The following ACTR3C variants were observed in gnomAD, a reference collection of about 807,000 sequenced individuals.
ACTR3C encodes actin-related protein 3C.
In ACTR3C, 18 loss-of-function variants were observed where a neutral mutation model predicts 26.3. The ratio of observed to expected loss-of-function variants is 0.68; its 90% confidence interval spans 0.47 to 1.01. The LOEUF (loss-of-function observed/expected upper bound fraction) is 1.01. Among genes scored for constraint, ACTR3C ranks in the 50% least tolerant of loss-of-function variants. The pLI, the probability that ACTR3C is intolerant of heterozygous loss-of-function variation, is 0.00. For synonymous variants in ACTR3C, 55 were observed against 94.5 expected (o/e 0.58, Z 2.42); for missense variants, 184 against 250.7 (o/e 0.73, Z 1.80).
chr7:150,049,150 T>G, the ACTR3C span, among the ~76,000 whole-genome samples: 1 of 151,976 alleles, frequency 6.6e-6, no homozygotes, highest in Non-Finnish European at 1.5e-5. Flanking sequence ...CGCCCCTGTG[T>G]GGACACCCGC....
At chr7:149,938,932 T>C in the ACTR3C span, among the ~76,000 whole-genome samples, 1 of 85,200 alleles carries the variant, frequency 1.2e-5, no homozygotes, top group South Asian at 4.3e-4. Context: ...TATATATGTA[T>C]ATATAAATAT....
At chr7:150,086,481 A>G in the ACTR3C span, among the ~76,000 whole-genome samples, 13 of 152,122 alleles carry the variant, frequency 8.5e-5, no homozygotes, top group Non-Finnish European at 1.5e-4. Flanking sequence ...TCACTTCGGT[A>G]GAATTTATCA....
chr7:149,928,994 A>G, the ACTR3C span, among the ~76,000 whole-genome samples: 2 of 152,098 alleles, frequency 1.3e-5, no homozygotes, highest in African/African-American at 2.4e-5. Context: ...CAGAACGACA[A>G]CTCCTACAGA....
chr7:150,091,857 G>A, the ACTR3C span, among the ~76,000 whole-genome samples: 1 of 150,310 alleles, frequency 6.7e-6, no homozygotes, highest in African/African-American at 2.4e-5. Flanking sequence ...GCGTGGTGGC[G>A]GGCGCCTGTA....
At chr7:150,080,527 A>ATGTGTGTGTGTGTG in the ACTR3C span, among the ~76,000 whole-genome samples, 87 of 142,658 alleles carry the variant, frequency 6.1e-4, no homozygotes, top group African/African-American at 2.2e-3. Context: ...TTGTGTGTGT[A>ATGTGTGTGTGTGTG]TGTGTGTGTG....
chr7:150,198,968 CGGGA>C, the ACTR3C span, among the ~76,000 whole-genome samples: 5 of 134,220 alleles, frequency 3.7e-5, no homozygotes, highest in African/African-American at 1.6e-4. Flanking sequence ...CCGCCCCGTC[CGGGA>C]GGGAGGTGGG....
the ACTR3C span, among the ~76,000 whole-genome samples, chr7:149,883,990 T>TGGAG: frequency 6.2e-4 from 91 of 147,012 alleles, no homozygotes; most frequent in Non-Finnish European, 1.2e-3. Context: ...AGGTTTTTAG[T>TGGAG]GGAGGGAGGG....
At chr7:150,112,346 G>A in the ACTR3C span, among the ~76,000 whole-genome samples, 70,184 of 151,990 alleles carry the variant, frequency 0.46, 16,815 homozygotes, top group African/African-American at 0.59. Context: ...AATGAATAAC[G>A]GTAACACTGT....
the ACTR3C span, among the ~76,000 whole-genome samples, chr7:150,103,758 C>T: frequency 6.6e-6 from 1 of 151,980 alleles, no homozygotes; most frequent in Non-Finnish European, 1.5e-5. Flanking sequence ...AGGGCACCTT[C>T]ATGATGCGGG....
the ACTR3C span, chr7:150,047,996 G>T: frequency 8.3e-7 from 1 of 1,198,508 alleles, no homozygotes; most frequent in Non-Finnish European, 1.0e-6. Context: ...CAGCGCCGGC[G>T]ACCGCTCCTC....
chr7:149,981,524 CTA>C, the ACTR3C span, among the ~76,000 whole-genome samples: 1 of 149,748 alleles, frequency 6.7e-6, no homozygotes, highest in African/African-American at 2.4e-5. Flanking sequence ...TTCATAATGG[CTA>C]TAAGTAGGAC....
chr7:150,043,705 G>C, the ACTR3C span, among the ~76,000 whole-genome samples: 3 of 152,204 alleles, frequency 2.0e-5, no homozygotes, highest in South Asian at 6.2e-4. Context: ...AGAGTAATGG[G>C]ATCAAGTAGA....
At chr7:150,149,112 T>C in the ACTR3C span, among the ~76,000 whole-genome samples, 3 of 118,666 alleles carry the variant, frequency 2.5e-5, no homozygotes, top group South Asian at 5.4e-4. Context: ...TATATATATA[T>C]ATATATATAT....
chr7:150,295,336 T>G lies in ACTR3C; in HGVS notation c.-40A>C. ...ACTCTCTGTTTTCTGGTGTATTGAG[T>G]GGAGGTTCTGTCTGTAAGAAAACAT... On this transcript the variant is annotated 5_prime_UTR_variant, in exon 2 of 8. Transcript: ENST00000683684. 2 of 1,613,620 alleles carry G rather than the reference T, an allele frequency of 1.2e-6. No individual in the cohort carries two copies. The highest frequency in any genetic ancestry group is 1.7e-6 in the Non-Finnish European group (2 of 1,179,470).
At chr7:150,198,788 C>A in the ACTR3C span, among the ~76,000 whole-genome samples, 2 of 129,652 alleles carry the variant, frequency 1.5e-5, no homozygotes, top group Admixed American at 7.4e-5. Flanking sequence ...CCAGCCGTGC[C>A]GTCCGGGAGG....
the ACTR3C span, among the ~76,000 whole-genome samples, chr7:149,922,887 A>T: frequency 6.6e-6 from 1 of 151,582 alleles, no homozygotes; most frequent in African/African-American, 2.4e-5. Context: ...CTCTGTCAAT[A>T]CAGGTCCAAT....
At chr7:149,945,407 T>C in the ACTR3C span, among the ~76,000 whole-genome samples, 13,987 of 151,942 alleles carry the variant, frequency 0.092, 2,153 homozygotes, top group African/African-American at 0.32. Context: ...GAAGCATTGA[T>C]GGCGGGGCAT....
chr7:149,985,087 CTG>C, the ACTR3C span, among the ~76,000 whole-genome samples: 3 of 152,156 alleles, frequency 2.0e-5, no homozygotes, highest in Admixed American at 6.5e-5. Context: ...CATCAAGACA[CTG>C]TGTGCAGATT....
the ACTR3C span, among the ~76,000 whole-genome samples, chr7:149,967,480 T>C: frequency 6.6e-6 from 1 of 152,182 alleles, no homozygotes; most frequent in Admixed American, 6.5e-5. Flanking sequence ...CCCATGTCTA[T>C]GTTTTCAAAA....
Sources: gnomAD v4.1 joint callset for allele counts (sites outside exome capture counted in the v4.1 genomes callset) on GRCh38, gnomAD v4.1.1 for gene constraint, MANE v1.5 for transcripts, NCBI Gene and HGNC (gene_info 2026-07-23, HGNC 2026-07-21) for gene names.